AFTPH: variants seen among roughly 807,000 people sequenced by gnomAD.
The protein encoded by AFTPH is aftiphilin protein.
Under a neutral mutation model 72.5 loss-of-function variants are expected in AFTPH, and 7 were observed. The observed-to-expected ratio is 0.10, with a 90% CI of 0.05 to 0.18. The LOEUF (loss-of-function observed/expected upper bound fraction) is 0.18. AFTPH is among the 10% of genes least tolerant of loss of function. The probability of loss-of-function intolerance (pLI) is 1.00; values close to 1 mark genes in which losing one functional copy is unlikely to be tolerated. For synonymous variants in AFTPH, 337 were observed against 370.1 expected (o/e 0.91, Z 1.03); for missense variants, 979 against 1,060.5 (o/e 0.92, Z 1.07).
intron 2 of AFTPH, among the ~76,000 whole-genome samples, chr2:64,553,935 G>C (rs1462552742): frequency 6.6e-6 from 1 of 151,834 alleles, no homozygotes; most frequent in Non-Finnish European, 1.5e-5. Context: ...TGTGCCAAAG[G>C]CTATAGTGAA....
At chr2:64,541,828 A>T (rs1391870374) in intron 1 of AFTPH, among the ~76,000 whole-genome samples, 1 of 152,186 alleles carries the variant, frequency 6.6e-6, no homozygotes, top group Non-Finnish European at 1.5e-5. Context: ...CCAAGTGACT[A>T]ATTATAAACC....
chr2:64,531,473 T>G (rs1669629297), intron 1 of AFTPH, among the ~76,000 whole-genome samples: 1 of 152,226 alleles, frequency 6.6e-6, no homozygotes, highest in Admixed American at 6.5e-5. Context: ...AATTTTTGAA[T>G]GATTTAAACC....
chr2:64,531,907 A>G (rs1199397322), intron 1 of AFTPH, among the ~76,000 whole-genome samples: 4 of 152,258 alleles, frequency 2.6e-5, no homozygotes, highest in African/African-American at 9.6e-5. Context: ...GAGAAAAAAT[A>G]TAAGATTAAC....
chr2:64,579,586 T>A, intron 7 of AFTPH, 40 bp downstream of exon 7: 1 of 1,541,606 alleles, frequency 6.5e-7, no homozygotes, highest in Non-Finnish European at 8.9e-7. Context: ...AGAGCTAGAG[T>A]TAAGAAAGCT....
exon 3 of AFTPH, chr2:64,567,671 G>C: frequency 1.9e-6 from 3 of 1,613,694 alleles, no homozygotes; most frequent in South Asian, 2.2e-5. Context: ...CTGGAAACAA[G>C]CACTTTGCCA....
intron 6 of AFTPH, among the ~76,000 whole-genome samples, chr2:64,575,848 C>T (rs1418258559): frequency 1.3e-5 from 2 of 151,470 alleles, no homozygotes; most frequent in African/African-American, 4.9e-5. Context: ...AAGTGATTCT[C>T]CTGCCTCAGC....
At chr2:64,563,512 G>C (rs374551769) in intron 2 of AFTPH, among the ~76,000 whole-genome samples, 2 of 152,106 alleles carry the variant, frequency 1.3e-5, no homozygotes, top group Non-Finnish European at 1.5e-5. Context: ...AAGAGAAACT[G>C]TTCTTGTGGT....
chr2:64,560,911 A>T (rs1054244736), intron 2 of AFTPH, among the ~76,000 whole-genome samples: 1 of 152,206 alleles, frequency 6.6e-6, no homozygotes, highest in African/African-American at 2.4e-5. Flanking sequence ...GAGGCAAATC[A>T]GAATTTGTGT....
chr2:64,549,509 T>G (rs890412293), intron 1 of AFTPH, among the ~76,000 whole-genome samples: 1 of 149,600 alleles, frequency 6.7e-6, no homozygotes, highest in African/African-American at 2.4e-5. Context: ...TTAGTAGAGG[T>G]GGGGTTTCAC....
At position 64,567,726 on chromosome 2, in the gene AFTPH, C is replaced by T; in HGVS notation, c.2087+13C>T. The T allele has an allele frequency of 6.3e-7, 1 of 1,599,464 alleles. No homozygotes were observed. The highest frequency in any genetic ancestry group is 8.5e-7 in the Non-Finnish European group (1 of 1,175,362). On this transcript the variant is annotated intron_variant, in intron 3 of 8. Coordinates refer to ENST00000238856, the Ensembl canonical transcript of AFTPH. ...TACCTGAAAGTGGGTAAGTAGGAGA[C>T]TGTTTTTAGATAGCATGTGTTTTTG...
intron 7 of AFTPH, among the ~76,000 whole-genome samples, chr2:64,584,677 A>G (rs1389786773): frequency 6.7e-6 from 1 of 149,252 alleles, no homozygotes; most frequent in African/African-American, 2.5e-5. Flanking sequence ...GCTCACTGCA[A>G]GCTCCGCCTT....
chr2:64,551,334 A>G, intron 1 of AFTPH, 109 bp from the exon 2 acceptor site: 1 of 840,692 alleles, frequency 1.2e-6, no homozygotes, highest in Non-Finnish European at 1.8e-6. Context: ...AGGAGACAAA[A>G]TAGAGCATTG....
At chr2:64,544,856 C>T (rs1670468296) in intron 1 of AFTPH, among the ~76,000 whole-genome samples, 1 of 152,112 alleles carries the variant, frequency 6.6e-6, no homozygotes, top group Admixed American at 6.5e-5. Flanking sequence ...ATACCTGCTG[C>T]AGGGGATCAT....
At chr2:64,591,993 G>A (rs753351129) in exon 9 of AFTPH, 10 of 1,613,536 alleles carry the variant, frequency 6.2e-6, no homozygotes, top group Admixed American at 3.3e-5. Context: ...TCCCAGCCAC[G>A]TTAACACCTT....
At chr2:64,536,047 G>A (rs950785217) in intron 1 of AFTPH, among the ~76,000 whole-genome samples, 2 of 152,190 alleles carry the variant, frequency 1.3e-5, no homozygotes, top group African/African-American at 4.8e-5. Flanking sequence ...TCTAGACTTA[G>A]AATTTAGAAT....
At chr2:64,553,924 C>G (rs1304789306) in intron 2 of AFTPH, among the ~76,000 whole-genome samples, 3 of 151,738 alleles carry the variant, frequency 2.0e-5, no homozygotes, top group African/African-American at 7.3e-5. Flanking sequence ...AAACCTCATT[C>G]TGTGCCAAAG....
chr2:64,553,898 G>C (rs1342326604), intron 2 of AFTPH, among the ~76,000 whole-genome samples: 1 of 151,628 alleles, frequency 6.6e-6, no homozygotes, highest in Non-Finnish European at 1.5e-5. Flanking sequence ...TTCCAGGAGA[G>C]AACAAGCAGA....
At chr2:64,524,646 C>G (rs1313805913) in intron 1 of AFTPH, 34 bp downstream of exon 1, 2 of 396,672 alleles carry the variant, frequency 5.0e-6, no homozygotes, top group Middle Eastern at 6.2e-4. Context: ...CTAGCTGCGC[C>G]GGGGAAAGAG....
At chr2:64,582,834 C>T (rs934944716) in intron 7 of AFTPH, among the ~76,000 whole-genome samples, 5 of 152,106 alleles carry the variant, frequency 3.3e-5, no homozygotes, top group African/African-American at 9.7e-5. Flanking sequence ...AAAAACCATT[C>T]ATAGGAGCAC....
Sources: gnomAD v4.1 joint callset for allele counts (sites outside exome capture counted in the v4.1 genomes callset) on GRCh38, gnomAD v4.1.1 for gene constraint, MANE v1.5 for transcripts, NCBI Gene and HGNC (gene_info 2026-07-23, HGNC 2026-07-21) for gene names.